The following ERGIC1 variants were observed in gnomAD, a reference collection of about 807,000 sequenced individuals.
ERGIC1 encodes endoplasmic reticulum-golgi intermediate compartment 1.
Under a neutral mutation model 38.3 loss-of-function variants are expected in ERGIC1, and 19 were observed. That is an observed-to-expected ratio of 0.50 (90% CI 0.35 to 0.73). The LOEUF (loss-of-function observed/expected upper bound fraction) is 0.73. Ranked by LOEUF, ERGIC1 falls within the 30% of genes least tolerant of loss-of-function variation. The pLI is 0.01. For missense variants in ERGIC1, 294 were observed against 389.2 expected, an observed-to-expected ratio of 0.76 and a Z score of 2.06; for synonymous variants, 124 against 157.6, an observed-to-expected ratio of 0.79 and a Z score of 1.60.
At chr5:172,848,067 C>T (rs1479624523) in intron 1 of ERGIC1, among the ~76,000 whole-genome samples, 1 of 152,154 alleles carries the variant, frequency 6.6e-6, no homozygotes, top group Admixed American at 6.5e-5. Context: ...GTAGTGCCAC[C>T]CTGAGGCTTT....
intron 3 of ERGIC1, among the ~76,000 whole-genome samples, chr5:172,897,625 G>A (rs1156697021): frequency 6.6e-6 from 1 of 152,210 alleles, no homozygotes; most frequent in Non-Finnish European, 1.5e-5. Context: ...GGGTTCTCCT[G>A]GGCTCAAAGA....
In ERGIC1 at chr5:172,850,130, AGGT is replaced by A. The variant is rs373249522; in HGVS notation, c.20+15700_20+15702del. Among the ~76,000 whole-genome samples the A allele has an allele frequency of 1.5e-3, 230 of 152,300 alleles. 4 individuals carry two copies. The highest frequency in any genetic ancestry group is 5.5e-3 in the African/African-American group (227 of 41,558). On this transcript the variant is annotated intron_variant, in intron 1 of 9. Coordinates refer to ENST00000393784, the MANE Select transcript of ERGIC1 (RefSeq NM_001031711.3). Reference sequence around the variant, plus strand: ...GTCGCCCTGATGTACCCAACAAGCCAGGTGGCAGGAGCTGGTTCCACCTTTCGG... The same window carrying A: ...GTCGCCCTGATGTACCCAACAAGCCAGGCAGGAGCTGGTTCCACCTTTCGG...
At chr5:172,865,600 C>A (rs528047671) in intron 1 of ERGIC1, among the ~76,000 whole-genome samples, 2 of 152,314 alleles carry the variant, frequency 1.3e-5, no homozygotes, top group Non-Finnish European at 2.9e-5. Flanking sequence ...CCAGAAAGCT[C>A]CTGCATATGC....
chr5:172,834,522 G>A lies in ERGIC1; in HGVS notation c.20+89G>A. Reference sequence around the variant, plus strand: ...GCCGCGGACCCCTCCCGCCCTGCATGCAAAAGCGGCTCCCCGCCCTGTGCA... The same window carrying A: ...GCCGCGGACCCCTCCCGCCCTGCATACAAAAGCGGCTCCCCGCCCTGTGCA... On this transcript the variant is annotated intron_variant, in intron 1 of 9. Transcript: ENST00000393784. This position sits in a 1 kb window ranked among gnomAD's most constrained non-coding sequence, Gnocchi z 4.1. 8.3e-7 allele frequency: 1 copy of A among 1,207,874 alleles called. No individual in the cohort carries two copies. The highest frequency in any genetic ancestry group is 1.0e-6 in the Non-Finnish European group (1 of 963,368). 74.8% of individuals were successfully genotyped at this position (1,207,874 alleles called of 1,614,324 possible).
chr5:172,904,945 G>A (rs755665177), intron 3 of ERGIC1, among the ~76,000 whole-genome samples: 2 of 152,208 alleles, frequency 1.3e-5, no homozygotes, highest in Admixed American at 6.5e-5. Context: ...GCCCAGCACC[G>A]CAGCCCCCTT....
intron 1 of ERGIC1, chr5:172,867,114 G>C: frequency 2.2e-6 from 1 of 448,004 alleles, no homozygotes; most frequent in Non-Finnish European, 4.5e-6. Context: ...GCTTCAGGCT[G>C]TGGGGGCTCT....
At chr5:172,839,777 A>G (rs925587321) in intron 1 of ERGIC1, among the ~76,000 whole-genome samples, 2 of 152,188 alleles carry the variant, frequency 1.3e-5, no homozygotes, top group African/African-American at 4.8e-5. Flanking sequence ...ACAGTCCTAC[A>G]AGGGAGGTGC....
At chr5:172,925,942 G>A (rs1379597963) in intron 6 of ERGIC1, among the ~76,000 whole-genome samples, 1 of 152,176 alleles carries the variant, frequency 6.6e-6, no homozygotes, top group African/African-American at 2.4e-5. Flanking sequence ...CTGCCCGGAG[G>A]AGGGTTTTCT....
intron 1 of ERGIC1, among the ~76,000 whole-genome samples, chr5:172,836,053 C>T (rs1413930019): frequency 3.3e-5 from 5 of 152,194 alleles, no homozygotes; most frequent in South Asian, 4.1e-4. Context: ...TTTGAGCTTG[C>T]TGGGGAAATT....
At chr5:172,869,127 A>G (rs147278275) in intron 1 of ERGIC1, among the ~76,000 whole-genome samples, 131 of 152,368 alleles carry the variant, frequency 8.6e-4, no homozygotes, top group Middle Eastern at 6.8e-3. Flanking sequence ...TTGGGTGACT[A>G]GCAGAGGCTG....
At position 172,864,579 on chromosome 5, in the gene ERGIC1, CA is replaced by C. The variant is rs199572831; in HGVS notation, c.21-24116del. ...CTCCTGGGATGGGATGGAGATGGGT[CA>C]AAATGGAAAGTGCAGACAGAAGAGG... is the stretch of plus-strand genomic sequence containing the variant. On this transcript the variant is annotated intron_variant, in intron 1 of 9. Coordinates refer to ENST00000393784, the MANE Select transcript of ERGIC1 (RefSeq NM_001031711.3). Among the ~76,000 whole-genome samples, 925 of 151,456 alleles carry C rather than the reference CA, an allele frequency of 6.1e-3. 10 individuals carry two copies. Among genetic ancestry groups the C allele is most frequent in the African/African-American group, 0.022 (900 of 41,274 alleles).
At chr5:172,902,698 C>T (rs756834156) in intron 3 of ERGIC1, among the ~76,000 whole-genome samples, 22 of 152,214 alleles carry the variant, frequency 1.4e-4, no homozygotes, top group East Asian at 5.8e-4. Flanking sequence ...TTTACCTGGA[C>T]GACTCAGGAT....
At chr5:172,932,318 A>G (rs1268818985) in intron 7 of ERGIC1, 118 bp from the exon 8 acceptor site, 2 of 946,142 alleles carry the variant, frequency 2.1e-6, no homozygotes, top group Non-Finnish European at 3.2e-6. Flanking sequence ...TGGTGGTAAA[A>G]CTGGGGAATG....
chr5:172,863,668 T>TA lies in ERGIC1; in HGVS notation c.21-25022dup, dbSNP rs200582759. Among the ~76,000 whole-genome samples the TA allele has an allele frequency of 7.5e-3, 1,134 of 151,042 alleles. 10 individuals carry two copies. Among genetic ancestry groups the TA allele is most frequent in the Non-Finnish European group, 0.012 (812 of 67,660 alleles). ...TCAACTTCATAGCATTTTGGCTCTT[T>TA]AAAAAAAAAGAAAGAAAAAAACCAA... On this transcript the variant is annotated intron_variant, in intron 1 of 9. Transcript: ENST00000393784.
intron 9 of ERGIC1, among the ~76,000 whole-genome samples, chr5:172,949,090 A>G (rs147420984): frequency 2.0e-5 from 3 of 152,270 alleles, no homozygotes; most frequent in Admixed American, 6.5e-5. Context: ...TGTGAACTTC[A>G]TTTGTCTTCC....
chr5:172,864,727 A>T (rs1011831531), intron 1 of ERGIC1, among the ~76,000 whole-genome samples: 1 of 152,092 alleles, frequency 6.6e-6, no homozygotes, highest in Non-Finnish European at 1.5e-5. Flanking sequence ...TTAAAGCATG[A>T]ACCATATTAA....
intron 3 of ERGIC1, 87 bp downstream of exon 3, chr5:172,897,161 G>A: frequency 7.8e-7 from 1 of 1,278,612 alleles, no homozygotes; most frequent in Non-Finnish European, 1.1e-6. Flanking sequence ...AGGTTTGGTG[G>A]CTAACACCTG....
At chr5:172,927,387 G>C (rs752980273) in intron 7 of ERGIC1, among the ~76,000 whole-genome samples, 1 of 152,082 alleles carries the variant, frequency 6.6e-6, no homozygotes, top group Admixed American at 6.6e-5. Context: ...CTGCCCCCCC[G>C]ACAAATCGAA....
intron 1 of ERGIC1, among the ~76,000 whole-genome samples, chr5:172,838,732 C>G (rs1761089354): frequency 6.6e-6 from 1 of 152,166 alleles, no homozygotes; most frequent in Admixed American, 6.5e-5. Context: ...GCACCTGGCC[C>G]AGTCTTAATT....
Sources: allele counts gnomAD v4.1 joint callset (sites outside exome capture counted in the v4.1 genomes callset), GRCh38; gene constraint gnomAD v4.1.1; non-coding constraint Gnocchi (gnomAD v3.1); transcripts MANE v1.5; gene names NCBI Gene and HGNC (gene_info 2026-07-23, HGNC 2026-07-21).